The following ZNF521 variants were observed in gnomAD, a reference collection of about 807,000 sequenced individuals.
The protein encoded by ZNF521 is zinc finger protein 521.
A neutral mutation model predicts 105.5 loss-of-function variants in ZNF521; 14 were observed. That is an observed-to-expected ratio of 0.13 (90% CI 0.09 to 0.21). The LOEUF is 0.21. ZNF521 is among the 10% of genes least tolerant of loss of function. ZNF521 has a pLI of 1.00. For missense variants in ZNF521, 1,233 were observed against 1,629.7 expected (o/e 0.76, Z 4.19); for synonymous variants, 635 against 606.0 (o/e 1.05, Z -0.70).
At chr18:25,107,911 C>T (rs1002847601) in intron 5 of ZNF521, among the ~76,000 whole-genome samples, 4 of 152,328 alleles carry the variant, frequency 2.6e-5, no homozygotes, top group Middle Eastern at 3.4e-3. Context: ...TGGATACCTG[C>T]TGTGGAATAG....
At chr18:25,269,713 G>A (rs1485336896) in intron 3 of ZNF521, among the ~76,000 whole-genome samples, 1 of 152,108 alleles carries the variant, frequency 6.6e-6, no homozygotes, top group Non-Finnish European at 1.5e-5. Context: ...AGAAATGAAG[G>A]CAGAAATAAA....
intron 5 of ZNF521, among the ~76,000 whole-genome samples, chr18:25,110,283 A>G (rs1462802767): frequency 6.6e-6 from 1 of 152,212 alleles, no homozygotes; most frequent in Non-Finnish European, 1.5e-5. Flanking sequence ...CGCTCAGCAG[A>G]ATGCTATCAG....
chr18:25,349,827 C>G (rs1407784378), intron 2 of ZNF521, among the ~76,000 whole-genome samples: 2 of 150,112 alleles, frequency 1.3e-5, no homozygotes, highest in Non-Finnish European at 3.0e-5. Flanking sequence ...TCCTCCGCCT[C>G]CGGGTCGCGG....
intron 3 of ZNF521, among the ~76,000 whole-genome samples, chr18:25,243,136 A>C (rs1907462084): frequency 6.6e-6 from 1 of 152,092 alleles, no homozygotes; most frequent in Admixed American, 6.6e-5. Context: ...AGATAACCTC[A>C]ATTTTCCCTT....
At chr18:25,189,347 A>T (rs1323222947) in intron 5 of ZNF521, among the ~76,000 whole-genome samples, 3 of 152,216 alleles carry the variant, frequency 2.0e-5, no homozygotes, top group Non-Finnish European at 4.4e-5. Flanking sequence ...GGAGATAATT[A>T]AACCCTCTTC....
At chr18:25,310,561 C>A (rs1255557546) in intron 3 of ZNF521, among the ~76,000 whole-genome samples, 1 of 151,840 alleles carries the variant, frequency 6.6e-6, no homozygotes, top group Non-Finnish European at 1.5e-5. Flanking sequence ...GGTATATATT[C>A]TTTCTCATTA....
In ZNF521 at chr18:25,120,602, A is replaced by C. The variant is rs199937378; in HGVS notation, c.3659-28521T>G. On this transcript the variant is annotated intron_variant, in intron 5 of 7. Transcript: ENST00000361524. Reference sequence around the variant, plus strand: ...CCATCTAAAAAAAAAAAAAAAAAAAACCACAAACAAACAAACAAACAAACA... The same window carrying C: ...CCATCTAAAAAAAAAAAAAAAAAAACCCACAAACAAACAAACAAACAAACA... Among the ~76,000 whole-genome samples the C allele has an allele frequency of 4.4e-3, 618 of 140,140 alleles. 23 individuals are homozygous for C. The East Asian group carries it at 0.075, about 17-fold the overall frequency. The allele number at this position is 140,140 out of a possible 152,430, so 91.9% of individuals were successfully genotyped here.
At chr18:25,322,434 C>T in intron 2 of ZNF521, 2 of 534,870 alleles carry the variant, frequency 3.7e-6, no homozygotes, top group Non-Finnish European at 6.8e-6. Flanking sequence ...CCCATCAAAT[C>T]ACTCACCCAC....
At chr18:25,084,330 T>C (rs559394825) in intron 7 of ZNF521, among the ~76,000 whole-genome samples, 2 of 150,938 alleles carry the variant, frequency 1.3e-5, no homozygotes, top group East Asian at 1.9e-4. Flanking sequence ...TGTTGTCTTA[T>C]ACGTCCCATC....
At chr18:25,288,674 CA>C (rs1910844159) in intron 3 of ZNF521, among the ~76,000 whole-genome samples, 1 of 149,546 alleles carries the variant, frequency 6.7e-6, no homozygotes, top group South Asian at 2.1e-4. Context: ...AATTCTGGTA[CA>C]TTCTCTGCAC....
rs533943713 is a variant in ZNF521, at chr18:25,334,049, G to A, written c.41-11862C>T. On this transcript the variant is annotated intron_variant, in intron 2 of 7. Transcript: ENST00000361524. ...AGGCAGTAGTTCCAAGATTTCACCA[G>A]CAATGAAGAAAACACTCCAGCACCC... Among the ~76,000 whole-genome samples, 83 of 152,276 alleles carry A rather than the reference G, an allele frequency of 5.5e-4. 1 individual carries two copies. Among genetic ancestry groups the A allele is most frequent in the Middle Eastern group, 3.4e-3 (1 of 294 alleles).
At chr18:25,097,600 C>T (rs1333703693) in intron 5 of ZNF521, among the ~76,000 whole-genome samples, 2 of 152,070 alleles carry the variant, frequency 1.3e-5, no homozygotes, top group South Asian at 2.1e-4. Flanking sequence ...GAACAGAAGA[C>T]ACAGGCATGA....
chr18:25,283,031 C>A (rs538663255), intron 3 of ZNF521, among the ~76,000 whole-genome samples: 4 of 152,204 alleles, frequency 2.6e-5, no homozygotes, highest in Admixed American at 6.5e-5. Context: ...TTAACCACAG[C>A]GTGCCTGCTT....
chr18:25,107,288 T>G (rs138431029), intron 5 of ZNF521, among the ~76,000 whole-genome samples: 3 of 152,360 alleles, frequency 2.0e-5, no homozygotes, highest in East Asian at 3.9e-4. Context: ...GTTATTCTTG[T>G]TATTAAGAAT....
At chr18:25,251,541 CATT>C (rs1349742018) in intron 3 of ZNF521, among the ~76,000 whole-genome samples, 1 of 152,172 alleles carries the variant, frequency 6.6e-6, no homozygotes, top group Non-Finnish European at 1.5e-5. Flanking sequence ...TACAGTGTAA[CATT>C]ATCCAAATCC....
intron 3 of ZNF521, among the ~76,000 whole-genome samples, chr18:25,257,704 AACCT>A (rs1221310513): frequency 3.3e-5 from 5 of 152,126 alleles, no homozygotes; most frequent in Admixed American, 3.3e-4. Context: ...TTCATTTTCC[AACCT>A]ATCAGAGATG....
At chr18:25,351,025 GCCGCGGCGCCTCGCGC>G in intron 1 of ZNF521, 78 bp from the exon 2 acceptor site, 2 of 1,226,040 alleles carry the variant, frequency 1.6e-6, no homozygotes, top group African/African-American at 3.3e-5. Flanking sequence ...CGCCCCTCGG[GCCGCGGCGCCTCGCGC>G]CCTCCGCTCG....
At chr18:25,077,762 T>C (rs2144152531) in intron 7 of ZNF521, among the ~76,000 whole-genome samples, 1 of 152,240 alleles carries the variant, frequency 6.6e-6, no homozygotes, top group South Asian at 2.1e-4. Context: ...ACTGATTTTC[T>C]GCAACTGTGG....
intron 3 of ZNF521, among the ~76,000 whole-genome samples, chr18:25,245,192 A>G (rs997837063): frequency 1.3e-5 from 2 of 152,252 alleles, no homozygotes; most frequent in Non-Finnish European, 2.9e-5. Flanking sequence ...GTTGTGAGTC[A>G]TCAATGAATA....
Sources: gnomAD v4.1 joint callset for allele counts (sites outside exome capture counted in the v4.1 genomes callset) on GRCh38, gnomAD v4.1.1 for gene constraint, MANE v1.5 for transcripts, NCBI Gene and HGNC (gene_info 2026-07-23, HGNC 2026-07-21) for gene names.